Variants in ANK3 observed in about 807,000 individuals in gnomAD.
ANK3 encodes the protein ankyrin 3.
Under a neutral mutation model 370.9 loss-of-function variants are expected in ANK3, and 57 were observed. The ratio of observed to expected loss-of-function variants is 0.15; its 90% CI spans 0.12 to 0.19. ANK3 has a LOEUF of 0.19. Among genes scored for constraint, ANK3 ranks in the 10% least tolerant of loss-of-function variants. The probability of loss-of-function intolerance (pLI) is 1.00; values close to 1 mark genes in which losing one functional copy is unlikely to be tolerated. For synonymous variants in ANK3, 1,929 were observed against 1,946.3 expected (o/e 0.99, Z 0.23); for missense variants, 4,439 against 5,302.1 (o/e 0.84, Z 5.06).
intron 4 of ANK3, among the ~76,000 whole-genome samples, chr10:60,273,583 A>T (rs1347363307): frequency 6.6e-6 from 1 of 152,184 alleles, no homozygotes; most frequent in Non-Finnish European, 1.5e-5. Context: ...ACAGAATCAT[A>T]TGATATCTGT....
chr10:60,710,375 C>T (rs551876582), intron 1 of ANK3, among the ~76,000 whole-genome samples: 1 of 152,158 alleles, frequency 6.6e-6, no homozygotes, highest in East Asian at 1.9e-4. Flanking sequence ...GTTTACCTTT[C>T]TCTCAAGCGT....
Position 60,075,733 on chromosome 10 carries a change from G to T in ANK3, c.5148C>A (p.Val1716=). 1 of 1,614,114 alleles carries T rather than the reference G, an allele frequency of 6.2e-7. No homozygotes were observed. Among genetic ancestry groups the T allele is most frequent in the South Asian group, 1.1e-5 (1 of 91,068 alleles). ...QMPGHAEVAL[V]NGSISPLKYP... ...ATTTTAGAGGGGAAATAGATCCATT[G>T]ACTAATGCTACCTCTGCATGTCCAG... Residue 1716 remains valine, a synonymous_variant, in exon 37 of 44, where the codon GTC becomes GTA. Transcript: ENST00000280772.
At chr10:60,364,528 C>T (rs980117993) in intron 1 of ANK3, among the ~76,000 whole-genome samples, 5 of 151,754 alleles carry the variant, frequency 3.3e-5, no homozygotes, top group African/African-American at 4.8e-5. Flanking sequence ...GAACATCACA[C>T]ACTGGGGCCT....
chr10:60,608,173 T>C (rs893419314), intron 2 of ANK3, among the ~76,000 whole-genome samples: 2 of 152,176 alleles, frequency 1.3e-5, no homozygotes, highest in African/African-American at 2.4e-5. Flanking sequence ...ACAGAATCAG[T>C]AGAGAATCCA....
rs34221364 is a variant in ANK3 at position 60,230,892 on chromosome 10, T to TA, written c.897+3795dup. Among the ~76,000 whole-genome samples, 838 of 137,860 alleles carry TA rather than the reference T, an allele frequency of 6.1e-3. 10 individuals carry two copies. Among genetic ancestry groups the TA allele is most frequent in the African/African-American group, 0.02 (758 of 37,170 alleles). 90.4% of individuals were successfully genotyped at this position (137,860 alleles called of 152,430 possible). A position where few individuals can be genotyped will look rare whatever the true frequency, so the allele number is the denominator to read the frequency against. ...CGACTGACAGAGCGAGACTCCATCT[T>TA]AAAAAAAAAAAAAAAAAGAAACCTG... On this transcript the variant is annotated intron_variant, in intron 8 of 43. Coordinates refer to ENST00000280772, the MANE Select transcript of ANK3 (RefSeq NM_020987.5).
chr10:60,318,435 C>T (rs2132878645), intron 1 of ANK3, among the ~76,000 whole-genome samples: 1 of 152,258 alleles, frequency 6.6e-6, no homozygotes, highest in South Asian at 2.1e-4. Flanking sequence ...AAATCAATGG[C>T]TGTAGATAAT....
At chr10:60,475,788 G>A (rs1285964623) in intron 2 of ANK3, among the ~76,000 whole-genome samples, 1 of 152,106 alleles carries the variant, frequency 6.6e-6, no homozygotes, top group African/African-American at 2.4e-5. Context: ...CCACCAGCCT[G>A]TCTGGACACA....
rs375411220 is a variant in ANK3 at position 60,073,936 on chromosome 10, A to G, written c.6945T>C (p.His2315=). The G allele has an allele frequency of 1.9e-6, 3 of 1,613,980 alleles. No homozygotes were observed. Among genetic ancestry groups the G allele is most frequent in the Non-Finnish European group, 1.7e-6 (2 of 1,179,976 alleles). ...GTTTCATTTGGTTGTCCTTCTCTGC[A>G]TGCTGGGCTGAGGTTTCAGCAGCAG... is the stretch of plus-strand genomic sequence containing the variant. The part of the protein sequence containing the change: ...HKSAAETSAQ[H]AEKDNQMKPK... The change falls in exon 37 of 44, where the codon CAT becomes CAC. Residue 2315 remains histidine (H), a synonymous_variant. Transcript: ENST00000280772.
At chr10:60,715,013 C>T (rs1197805196) in intron 1 of ANK3, among the ~76,000 whole-genome samples, 1 of 152,068 alleles carries the variant, frequency 6.6e-6, no homozygotes, top group African/African-American at 2.4e-5. Flanking sequence ...GAATATTCTT[C>T]ATCAATTCTA....
intron 2 of ANK3, among the ~76,000 whole-genome samples, chr10:60,415,116 T>G (rs1001146483): frequency 2.6e-5 from 4 of 152,108 alleles, no homozygotes; most frequent in African/African-American, 9.7e-5. Context: ...GTCAGCTGCC[T>G]ACAATTCCGT....
At chr10:60,319,607 C>T (rs989183856) in intron 1 of ANK3, among the ~76,000 whole-genome samples, 1 of 152,166 alleles carries the variant, frequency 6.6e-6, no homozygotes, top group African/African-American at 2.4e-5. Context: ...CAACAAGTAC[C>T]TAATGATCAC....
At chr10:60,728,020 G>A (rs1252338426) in intron 1 of ANK3, among the ~76,000 whole-genome samples, 1 of 152,106 alleles carries the variant, frequency 6.6e-6, no homozygotes, top group African/African-American at 2.4e-5. Context: ...CCAATTCTGT[G>A]CTTCTCTTTC....
At chr10:60,243,733 T>C (rs1160505109) in intron 7 of ANK3, among the ~76,000 whole-genome samples, 2 of 152,230 alleles carry the variant, frequency 1.3e-5, no homozygotes, top group African/African-American at 4.8e-5. Flanking sequence ...TTTAGAAATG[T>C]ATGAAATGAC....
intron 2 of ANK3, among the ~76,000 whole-genome samples, chr10:60,473,360 A>T (rs2065262348): frequency 6.6e-6 from 1 of 152,222 alleles, no homozygotes; most frequent in Non-Finnish European, 1.5e-5. Context: ...TATAAAGAAA[A>T]TCCAGGATAT....
intron 2 of ANK3, among the ~76,000 whole-genome samples, chr10:60,470,917 AC>A (rs2065202505): frequency 1.3e-5 from 2 of 151,946 alleles, no homozygotes; most frequent in South Asian, 2.1e-4. Flanking sequence ...CCCCAAACAA[AC>A]CCTTTTTCTC....
chr10:60,388,315 C>T (rs182580031), intron 1 of ANK3, among the ~76,000 whole-genome samples: 234 of 152,270 alleles, frequency 1.5e-3, no homozygotes, highest in Admixed American at 1.5e-3. Context: ...TCTATAGATC[C>T]TAACTCTGAA....
intron 27 of ANK3, 119 bp from the exon 28 acceptor site, chr10:60,106,178 A>G (rs2092140777): frequency 3.3e-6 from 3 of 897,360 alleles, no homozygotes; most frequent in Non-Finnish European, 4.9e-6. Context: ...AAGGTTGGGA[A>G]TGATTTCAAA....
intron 1 of ANK3, among the ~76,000 whole-genome samples, chr10:60,343,164 T>C (rs2054638972): frequency 6.6e-6 from 1 of 152,172 alleles, no homozygotes; most frequent in East Asian, 1.9e-4. Context: ...AATCATCCTA[T>C]TGCAAACACT....
chr10:60,079,906 C>T lies in ANK3; in HGVS notation c.4432+631G>A, dbSNP rs559866340. On this transcript the variant is annotated intron_variant, in intron 36 of 43. Transcript: ENST00000280772. ...ATCTTAATAAGTGCATGCCAGCTAACAATGAACCAAAACGATCATTGAGAA... is the reference window on the plus strand; with the variant it reads ...ATCTTAATAAGTGCATGCCAGCTAATAATGAACCAAAACGATCATTGAGAA... Among the ~76,000 whole-genome samples, 6 of 152,012 alleles carry T rather than the reference C, an allele frequency of 3.9e-5. No individual in the cohort carries two copies. The South Asian group carries it at 6.3e-4, about 16-fold the overall frequency.
Sources: gnomAD v4.1 joint callset for allele counts (sites outside exome capture counted in the v4.1 genomes callset) on GRCh38, gnomAD v4.1.1 for gene constraint, MANE v1.5 for transcripts, NCBI Gene and HGNC (gene_info 2026-07-23, HGNC 2026-07-21) for gene names.